KIF2A: variants seen among roughly 807,000 people sequenced by gnomAD.
KIF2A encodes the protein kinesin-like protein KIF2A.
Under a neutral mutation model 100.2 loss-of-function variants are expected in KIF2A, and 22 were observed. That is an observed-to-expected ratio of 0.22 (90% CI 0.16 to 0.31). The LOEUF (loss-of-function observed/expected upper bound fraction) is 0.31. Ranked by LOEUF, KIF2A falls within the 10% of genes least tolerant of loss-of-function variation. KIF2A has a pLI of 1.00. For missense variants in KIF2A, 495 were observed against 898.7 expected, an observed-to-expected ratio of 0.55 and a Z score of 5.74; for synonymous variants, 268 against 285.9, an observed-to-expected ratio of 0.94 and a Z score of 0.63.
At position 62,365,363 on chromosome 5, in the gene KIF2A, T is replaced by C; in HGVS notation, c.1578+10T>C. 2 of 1,379,496 alleles carry C rather than the reference T, an allele frequency of 1.4e-6. No individual in the cohort carries two copies. Among genetic ancestry groups the C allele is most frequent in the Non-Finnish European group, 2.0e-6 (2 of 986,980 alleles). The allele number at this position is 1,379,496 out of a possible 1,614,324, so 85.5% of individuals were successfully genotyped here. A position where few individuals can be genotyped will look rare whatever the true frequency, so the allele number is the denominator to read the frequency against. On this transcript the variant is annotated intron_variant, in intron 15 of 20. Coordinates refer to ENST00000407818, the MANE Select transcript of KIF2A (RefSeq NM_001098511.3). Reference sequence around the variant, plus strand: ...CTCTCGTACCTGCATGGTAAGTTTATGTTTATTTTTTGTTTGTTTTATTTT... The same window carrying C: ...CTCTCGTACCTGCATGGTAAGTTTACGTTTATTTTTTGTTTGTTTTATTTT...
intron 1 of KIF2A, among the ~76,000 whole-genome samples, chr5:62,323,601 G>A (rs1746218412): frequency 6.6e-6 from 1 of 152,086 alleles, no homozygotes; most frequent in African/African-American, 2.4e-5. Flanking sequence ...ATATTGATGA[G>A]TTGATAGGAT....
At chr5:62,320,990 A>G (rs1746064851) in intron 1 of KIF2A, among the ~76,000 whole-genome samples, 1 of 152,154 alleles carries the variant, frequency 6.6e-6, no homozygotes, top group African/African-American at 2.4e-5. Flanking sequence ...TTATCTTTGT[A>G]GATTTGTCTG....
Position 62,385,815 on chromosome 5 carries a change from C to T in KIF2A, c.*246C>T, listed in dbSNP as rs1252041305. 4.3e-6 allele frequency: 2 copies of T among 461,636 alleles called. No individual in the cohort carries two copies. Among genetic ancestry groups the T allele is most frequent in the Non-Finnish European group, 7.8e-6 (2 of 256,868 alleles). 28.6% of individuals were successfully genotyped at this position (461,636 alleles called of 1,614,324 possible). On this transcript the variant is annotated 3_prime_UTR_variant, in exon 21 of 21. Transcript: ENST00000407818. ...TTTCATTTACACAAATAGTGATTTA[C>T]TTTTGGAGATCCTTGTCAGTTTTAT...
At chr5:62,321,140 A>C (rs985999838) in intron 1 of KIF2A, among the ~76,000 whole-genome samples, 2 of 152,002 alleles carry the variant, frequency 1.3e-5, no homozygotes, top group African/African-American at 2.4e-5. Flanking sequence ...ATAATATTCC[A>C]TTTCATTTCA....
At chr5:62,319,352 C>G (rs1157076951) in intron 1 of KIF2A, among the ~76,000 whole-genome samples, 1 of 152,186 alleles carries the variant, frequency 6.6e-6, no homozygotes, top group East Asian at 1.9e-4. Flanking sequence ...GGACCCTGAA[C>G]AAACTAACCT....
Position 62,383,229 on chromosome 5 carries a change from A to ATTTTTTT in KIF2A, c.2149+2001_2149+2007dup, listed in dbSNP as rs70977902. Among the ~76,000 whole-genome samples, 66 of 39,100 alleles carry ATTTTTTT rather than the reference A, an allele frequency of 1.7e-3. 2 individuals are homozygous for ATTTTTTT. The highest frequency in any genetic ancestry group is 6.8e-3 in the African/African-American group (59 of 8,710). The allele number at this position is 39,100 out of a possible 152,430, so 25.7% of individuals were successfully genotyped here. A position where few individuals can be genotyped will look rare whatever the true frequency, so the allele number is the denominator to read the frequency against. On this transcript the variant is annotated intron_variant, in intron 20 of 20. Transcript: ENST00000407818. The stretch of plus-strand genomic sequence containing the variant: ...GGCATGAGCCACCATGCCTGGCCAG[A>ATTTTTTT]TTTTTTTTTTTTTTTTTTTTTTTTT...
Position 62,381,244 on chromosome 5 carries a change from G to A in KIF2A, c.2140G>A (p.Glu714Lys), listed in dbSNP as rs1212521093. The change falls in exon 20 of 21, where the codon GAA becomes AAA. Residue 714 changes from glutamate (E) to lysine (K), a missense_variant. Glu to Lys is a moderately conservative substitution (Grantham distance 56). Transcript: ENST00000407818. ...ILEQKIDILT[E>K]LRDKVKSFRA... ...TGAGCAAAAAATAGACATTTTAACT[G>A]AACTGCGGGGTAATTCTTTTTCCAT... The A allele has an allele frequency of 1.2e-6, 2 of 1,612,286 alleles. No homozygotes were observed. Among genetic ancestry groups the A allele is most frequent in the Non-Finnish European group, 1.7e-6 (2 of 1,178,666 alleles).
At chr5:62,340,941 T>C (rs933663634) in intron 1 of KIF2A, among the ~76,000 whole-genome samples, 2 of 152,178 alleles carry the variant, frequency 1.3e-5, no homozygotes, top group African/African-American at 2.4e-5. Flanking sequence ...GAAAATAACA[T>C]TTTTTAGAGA....
intron 1 of KIF2A, among the ~76,000 whole-genome samples, chr5:62,342,060 T>C (rs1305208256): frequency 6.6e-6 from 1 of 152,238 alleles, no homozygotes; most frequent in African/African-American, 2.4e-5. Context: ...ATTTCCTTCC[T>C]TTCTGCTGAT....
intron 1 of KIF2A, among the ~76,000 whole-genome samples, chr5:62,342,097 T>G (rs1177747940): frequency 6.6e-6 from 1 of 152,204 alleles, no homozygotes; most frequent in African/African-American, 2.4e-5. Flanking sequence ...TTTATTAAAC[T>G]CTTTTACTTT....
chr5:62,317,617 C>T (rs1046991258), intron 1 of KIF2A, among the ~76,000 whole-genome samples: 5 of 152,224 alleles, frequency 3.3e-5, no homozygotes, highest in South Asian at 4.1e-4. Flanking sequence ...ATTAATGTTC[C>T]GGGCATTGGA....
At chr5:62,311,438 A>G (rs1745548050) in intron 1 of KIF2A, among the ~76,000 whole-genome samples, 1 of 152,162 alleles carries the variant, frequency 6.6e-6, no homozygotes, top group Admixed American at 6.5e-5. Context: ...TTCTTAGTTA[A>G]GTATTGGTGT....
chr5:62,364,820 C>T (rs542933679), intron 14 of KIF2A, among the ~76,000 whole-genome samples: 51 of 152,136 alleles, frequency 3.4e-4, no homozygotes, highest in Admixed American at 1.8e-3. Context: ...GTTGGCCAGG[C>T]GCAGTGGCTC....
At chr5:62,363,382 C>T (rs956616919) in intron 13 of KIF2A, 62 bp downstream of exon 13, 9 of 1,439,660 alleles carry the variant, frequency 6.3e-6, no homozygotes, top group Non-Finnish European at 8.5e-6. Flanking sequence ...TACAGTATAA[C>T]AAAATGAGGA....
At chr5:62,355,276 T>A in intron 7 of KIF2A, 22 bp downstream of exon 7, 1 of 1,214,294 alleles carries the variant, frequency 8.2e-7, no homozygotes. Context: ...TGTAAACCAT[T>A]ATTCTGGAAC....
At position 62,373,717 on chromosome 5, in the gene KIF2A, T is replaced by C; in HGVS notation, c.1791T>C (p.Ala597=). ...RVKELTVDPT[A]AGDVRPIMHH... ...AAGAATTGACTGTAGATCCAACTGC[T>C]GCTGGTGATGTTCGTCCAATAATGC... The change falls in exon 18 of 21, where the codon GCT becomes GCC. Residue 597 remains alanine (A), a synonymous_variant. Coordinates refer to ENST00000407818, the MANE Select transcript of KIF2A (RefSeq NM_001098511.3). 1 of 1,613,728 alleles carries C rather than the reference T, an allele frequency of 6.2e-7. No homozygotes were observed. The highest frequency in any genetic ancestry group is 8.5e-7 in the Non-Finnish European group (1 of 1,179,644).
In KIF2A at chr5:62,389,159, C is replaced by T; in HGVS notation, c.*3590C>T. Reference sequence around the variant, plus strand: ...CTAAAACATGAATACAGCATGCTTACAGAGCCCACCCACTCCTAATACTAG... The same window carrying T: ...CTAAAACATGAATACAGCATGCTTATAGAGCCCACCCACTCCTAATACTAG... On this transcript the variant is annotated 3_prime_UTR_variant, in exon 21 of 21. Transcript: ENST00000407818. The T allele has an allele frequency of 1.1e-6, 1 of 944,538 alleles. No individual in the cohort carries two copies. The highest frequency in any genetic ancestry group is 1.6e-6 in the Non-Finnish European group (1 of 622,236). The allele number at this position is 944,538 out of a possible 1,614,324, so 58.5% of individuals were successfully genotyped here.
intron 1 of KIF2A, among the ~76,000 whole-genome samples, chr5:62,332,696 T>C (rs1281363982): frequency 6.6e-6 from 1 of 152,180 alleles, no homozygotes; most frequent in Non-Finnish European, 1.5e-5. Context: ...AAAATGGCAG[T>C]GTATCAACAC....
At chr5:62,340,386 A>C (rs1747233707) in intron 1 of KIF2A, among the ~76,000 whole-genome samples, 1 of 151,550 alleles carries the variant, frequency 6.6e-6, no homozygotes, top group Non-Finnish European at 1.5e-5. Context: ...ATGGTGAATC[A>C]GAGAGAGTCA....
Sources: allele counts gnomAD v4.1 joint callset (sites outside exome capture counted in the v4.1 genomes callset), GRCh38; gene constraint gnomAD v4.1.1; transcripts MANE v1.5; gene names NCBI Gene and HGNC (gene_info 2026-07-23, HGNC 2026-07-21).